Variants in ZBTB20 observed in about 807,000 individuals in gnomAD.
The protein encoded by ZBTB20 is zinc finger and BTB domain-containing protein 20.
In ZBTB20, 9 loss-of-function variants were observed where a neutral mutation model predicts 56.9. The observed-to-expected ratio is 0.16, with a 90% confidence interval of 0.10 to 0.28. The LOEUF (loss-of-function observed/expected upper bound fraction) is 0.28. ZBTB20 is among the 10% of genes least tolerant of loss of function. ZBTB20 has a pLI of 1.00. For missense variants in ZBTB20, 655 were observed against 1,003.0 expected (o/e 0.65, Z 4.69); for synonymous variants, 417 against 420.7 (o/e 0.99, Z 0.11).
At chr3:114,797,480 G>GA (rs1211459155) in intron 5 of ZBTB20, among the ~76,000 whole-genome samples, 5 of 151,580 alleles carry the variant, frequency 3.3e-5, no homozygotes. Context: ...TCATGGCCTA[G>GA]AAAAAAATGA....
chr3:114,422,838 TATATC>T (rs946273725), intron 7 of ZBTB20, among the ~76,000 whole-genome samples: 8 of 152,138 alleles, frequency 5.3e-5, no homozygotes, highest in Non-Finnish European at 8.8e-5. Context: ...GAGATGAAAT[TATATC>T]ATAAGCTACT....
intron 5 of ZBTB20, among the ~76,000 whole-genome samples, chr3:114,760,880 TAAAG>T (rs1195186613): frequency 1.3e-5 from 2 of 152,102 alleles, no homozygotes; most frequent in Non-Finnish European, 2.9e-5. Context: ...GCATGACTGT[TAAAG>T]GAAGGGGAAA....
chr3:114,940,356 T>C (rs2076684574), intron 3 of ZBTB20, among the ~76,000 whole-genome samples: 1 of 143,038 alleles, frequency 7.0e-6, no homozygotes, highest in Non-Finnish European at 1.5e-5. Flanking sequence ...TTAATTCATA[T>C]AAACTAAGAA....
At chr3:114,414,654 C>T (rs1576652532) in intron 7 of ZBTB20, among the ~76,000 whole-genome samples, 3 of 150,426 alleles carry the variant, frequency 2.0e-5, no homozygotes, top group East Asian at 1.9e-4. Flanking sequence ...AATTTCTATC[C>T]TTGTAAAATG....
At chr3:114,465,943 A>G (rs1048623973) in intron 7 of ZBTB20, among the ~76,000 whole-genome samples, 5 of 152,184 alleles carry the variant, frequency 3.3e-5, no homozygotes, top group African/African-American at 1.2e-4. Flanking sequence ...CTGAGTATCC[A>G]GGATTTCCTT....
chr3:114,678,851 A>G lies in ZBTB20; in HGVS notation c.-295+14677T>C, dbSNP rs183948255. 8.7e-3 allele frequency among the ~76,000 whole-genome samples: 1,329 copies of G among 152,296 alleles called. 19 individuals are homozygous for G. The highest frequency in any genetic ancestry group is 0.012 in the South Asian group (57 of 4,824). ...CTAGGCCTTATAATAGACAACAAAAATGCAAAGAACAACAAATGTGATCTG... is the reference window on the plus strand; with the variant it reads ...CTAGGCCTTATAATAGACAACAAAAGTGCAAAGAACAACAAATGTGATCTG... On this transcript the variant is annotated intron_variant, in intron 6 of 11. Transcript: ENST00000675478.
chr3:114,771,227 C>G (rs375711215), intron 5 of ZBTB20, among the ~76,000 whole-genome samples: 4 of 151,922 alleles, frequency 2.6e-5, no homozygotes, highest in South Asian at 2.1e-4. Flanking sequence ...GATTTAAATA[C>G]TCAAAAAACC....
Position 114,608,290 on chromosome 3 carries a change from C to T in ZBTB20, c.-295+85238G>A, listed in dbSNP as rs149856982. ...ATTAATAAATCATTTCCCCTATGTTCTCTAAGAAATCTTTTAGAACAATAT... is the reference window on the plus strand; with the variant it reads ...ATTAATAAATCATTTCCCCTATGTTTTCTAAGAAATCTTTTAGAACAATAT... On this transcript the variant is annotated intron_variant, in intron 6 of 11. Coordinates refer to ENST00000675478, the MANE Select transcript of ZBTB20 (RefSeq NM_001348800.3). Among the ~76,000 whole-genome samples, 157 of 152,266 alleles carry T rather than the reference C, an allele frequency of 1.0e-3. 3 individuals carry two copies. The East Asian group carries it at 0.028, about 27-fold the overall frequency.
chr3:114,442,866 C>T (rs1344204594), intron 7 of ZBTB20, among the ~76,000 whole-genome samples: 1 of 152,146 alleles, frequency 6.6e-6, no homozygotes, highest in Non-Finnish European at 1.5e-5. Flanking sequence ...CAAGTTATTT[C>T]ATCATTTCCA....
chr3:114,936,773 AC>A (rs2076548853), intron 3 of ZBTB20, among the ~76,000 whole-genome samples: 1 of 152,190 alleles, frequency 6.6e-6, no homozygotes, highest in Non-Finnish European at 1.5e-5. Flanking sequence ...GTACATTAGT[AC>A]CATTAAGCAC....
chr3:114,923,942 A>G (rs2076056178), intron 3 of ZBTB20, among the ~76,000 whole-genome samples: 1 of 152,210 alleles, frequency 6.6e-6, no homozygotes, highest in African/African-American at 2.4e-5. Flanking sequence ...AAGAAGGCAT[A>G]CAAATGGGCA....
At chr3:114,431,461 G>A (rs1156700070) in intron 7 of ZBTB20, among the ~76,000 whole-genome samples, 3 of 152,090 alleles carry the variant, frequency 2.0e-5, no homozygotes, top group Non-Finnish European at 4.4e-5. Flanking sequence ...GCAAGAAAAA[G>A]GTGCATTCTA....
intron 5 of ZBTB20, among the ~76,000 whole-genome samples, chr3:114,716,112 C>A (rs946977772): frequency 6.6e-6 from 1 of 152,192 alleles, no homozygotes; most frequent in Admixed American, 6.5e-5. Context: ...AATCCACAAT[C>A]CATTCCCCCC....
chr3:114,998,298 C>T (rs1351674186), intron 2 of ZBTB20, among the ~76,000 whole-genome samples: 2 of 151,686 alleles, frequency 1.3e-5, no homozygotes, highest in African/African-American at 4.8e-5. Context: ...CTTTGTATCA[C>T]ATGTATTGAT....
chr3:114,533,425 A>G (rs1006861225), intron 6 of ZBTB20, among the ~76,000 whole-genome samples: 9 of 152,092 alleles, frequency 5.9e-5, no homozygotes, highest in Non-Finnish European at 1.3e-4. Flanking sequence ...ATAAAGCATG[A>G]AGACAAGGTT....
intron 6 of ZBTB20, among the ~76,000 whole-genome samples, chr3:114,677,682 G>A (rs1354119728): frequency 6.6e-6 from 1 of 152,116 alleles, no homozygotes; most frequent in Non-Finnish European, 1.5e-5. Flanking sequence ...GAAAAGAGAT[G>A]ACTGTATGTC....
At chr3:114,924,774 A>G (rs1449176425) in intron 3 of ZBTB20, among the ~76,000 whole-genome samples, 1 of 152,132 alleles carries the variant, frequency 6.6e-6, no homozygotes, top group Non-Finnish European at 1.5e-5. Flanking sequence ...AAAAATAAAT[A>G]AAATTGTACT....
intron 6 of ZBTB20, among the ~76,000 whole-genome samples, chr3:114,566,857 C>T (rs1030852255): frequency 6.6e-6 from 1 of 152,112 alleles, no homozygotes; most frequent in East Asian, 1.9e-4. Context: ...ATAATCTGTC[C>T]CTAGACCTGA....
chr3:114,865,020 C>A (rs1250753774), intron 4 of ZBTB20, among the ~76,000 whole-genome samples: 1 of 152,062 alleles, frequency 6.6e-6, no homozygotes, highest in Non-Finnish European at 1.5e-5. Flanking sequence ...TAAGCAACAG[C>A]CAGATGACAA....
Sources: allele counts gnomAD v4.1 joint callset (sites outside exome capture counted in the v4.1 genomes callset), GRCh38; gene constraint gnomAD v4.1.1; transcripts MANE v1.5; gene names NCBI Gene and HGNC (gene_info 2026-07-23, HGNC 2026-07-21).